Variants in PTPRZ1 observed in about 807,000 individuals in gnomAD.
The protein encoded by PTPRZ1 is receptor-type tyrosine-protein phosphatase zeta.
A neutral mutation model predicts 214.1 loss-of-function variants in PTPRZ1; 82 were observed. The observed-to-expected ratio is 0.38, with a 90% CI of 0.32 to 0.46. PTPRZ1 has a LOEUF of 0.46. Among genes scored for constraint, PTPRZ1 ranks in the 20% least tolerant of loss-of-function variants. PTPRZ1 has a pLI of 1.00. For synonymous variants in PTPRZ1, 945 were observed against 987.9 expected (o/e 0.96, Z 0.81); for missense variants, 2,603 against 2,748.7 (o/e 0.95, Z 1.19).
chr7:122,060,033 A>G (rs1792520032), intron 29 of PTPRZ1, 145 bp downstream of exon 29: 2 of 806,256 alleles, frequency 2.5e-6, no homozygotes, highest in Non-Finnish European at 3.7e-6. Context: ...CAAGTCCACA[A>G]TCCATAGAAC....
chr7:122,050,360 A>T (rs1360038430), intron 23 of PTPRZ1, among the ~76,000 whole-genome samples: 1 of 147,736 alleles, frequency 6.8e-6, no homozygotes, highest in Non-Finnish European at 1.5e-5. Flanking sequence ...GGAGGAACTC[A>T]TGAGCACAGG....
At chr7:122,020,570 G>A (rs1033510499) in intron 13 of PTPRZ1, among the ~76,000 whole-genome samples, 6 of 152,134 alleles carry the variant, frequency 3.9e-5, no homozygotes, top group African/African-American at 1.4e-4. Flanking sequence ...TGGATGTTTC[G>A]GACACAGTGA....
chr7:121,996,927 G>A (rs925996481), intron 9 of PTPRZ1, among the ~76,000 whole-genome samples: 2 of 152,038 alleles, frequency 1.3e-5, no homozygotes, highest in East Asian at 1.9e-4. Context: ...CTTCCATTAC[G>A]CTATATCAGC....
At chr7:122,001,673 T>C (rs1798329806) in intron 10 of PTPRZ1, among the ~76,000 whole-genome samples, 1 of 152,226 alleles carries the variant, frequency 6.6e-6, no homozygotes, top group Non-Finnish European at 1.5e-5. Flanking sequence ...TAAATAAGCC[T>C]TGCTTGCTCA....
intron 27 of PTPRZ1, among the ~76,000 whole-genome samples, chr7:122,058,038 G>C (rs957981823): frequency 6.7e-6 from 1 of 150,144 alleles, no homozygotes; most frequent in African/African-American, 2.5e-5. Flanking sequence ...TATTCCATTG[G>C]TCACTTTGTT....
intron 13 of PTPRZ1, among the ~76,000 whole-genome samples, chr7:122,022,577 G>C (rs2116694024): frequency 6.6e-6 from 1 of 152,300 alleles, no homozygotes; most frequent in Non-Finnish European, 1.5e-5. Flanking sequence ...TCAGATATCT[G>C]ATTTGCAATT....
intron 1 of PTPRZ1, among the ~76,000 whole-genome samples, chr7:121,882,664 T>G (rs919700989): frequency 1.3e-5 from 2 of 152,132 alleles, no homozygotes; most frequent in African/African-American, 4.8e-5. Flanking sequence ...CTGGAATAGA[T>G]CTCTTTATTT....
chr7:121,943,600 C>T (rs1420872778), intron 2 of PTPRZ1, among the ~76,000 whole-genome samples: 1 of 152,164 alleles, frequency 6.6e-6, no homozygotes, highest in African/African-American at 2.4e-5. Flanking sequence ...GGCCTCCCAA[C>T]GTGCTGGGAT....
In PTPRZ1 at chr7:122,058,842, T is replaced by C. The variant is rs1212160218; in HGVS notation, c.6571T>C (p.Trp2191Arg). ...LEVRHFQCPK[W>R]PNPDSPISKT... ...AGTGAGGCACTTTCAGTGTCCTAAA[T>C]GGCCAAATCCAGATAGCCCCATTAG... Residue 2191 changes from tryptophan to arginine, a missense_variant, in exon 28 of 30, where the codon TGG becomes CGG. Transcript: ENST00000393386. The C allele has an allele frequency of 7.5e-6, 12 of 1,604,534 alleles. No homozygotes were observed. The highest frequency in any genetic ancestry group is 1.0e-5 in the Non-Finnish European group (12 of 1,171,608).
chr7:122,058,773 A>C (rs1206381), intron 27 of PTPRZ1, 27 bp from the exon 28 acceptor site: 688,029 of 1,571,300 alleles, frequency 0.44, 153,307 homozygotes, highest in African/African-American at 0.61. Flanking sequence ...TCACTAACTA[A>C]CATTACTTTG....
In PTPRZ1 at chr7:122,013,909, G is replaced by T. The variant is rs1328354183; in HGVS notation, c.4843+20G>T. 7.1e-6 allele frequency: 11 copies of T among 1,559,706 alleles called. No individual in the cohort carries two copies. The South Asian group carries it at 1.1e-4, about 15-fold the overall frequency. ...AGGCAGGTTAGTTACGGATCAGAAG[G>T]ACAGATTGAGGTGTGGTGGTTTGCT... On this transcript the variant is annotated intron_variant, in intron 12 of 29. Transcript: ENST00000393386.
chr7:121,996,654 C>T, intron 9 of PTPRZ1, 88 bp downstream of exon 9: 1 of 1,082,844 alleles, frequency 9.2e-7, no homozygotes, highest in Non-Finnish European at 1.3e-6. Flanking sequence ...ATATTATTTT[C>T]CTCCATTACT....
chr7:121,951,874 A>G lies in PTPRZ1; in HGVS notation c.125-16077A>G, dbSNP rs527320938. 3.9e-5 allele frequency among the ~76,000 whole-genome samples: 6 copies of G among 152,362 alleles called. No individual in the cohort carries two copies. The East Asian group carries it at 1.2e-3, about 29-fold the overall frequency. On this transcript the variant is annotated intron_variant, in intron 2 of 29. Coordinates refer to ENST00000393386, the MANE Select transcript of PTPRZ1 (RefSeq NM_002851.3). ...AAACTACTTAAATATACTGTTACTG[A>G]ATAGACTGTTAGAGAATCTTCCCCT...
At chr7:121,971,232 C>A (rs1248610057) in intron 3 of PTPRZ1, among the ~76,000 whole-genome samples, 1 of 152,110 alleles carries the variant, frequency 6.6e-6, no homozygotes, top group Non-Finnish European at 1.5e-5. Context: ...AAGCAAAAAT[C>A]TTTATAGAAA....
intron 1 of PTPRZ1, among the ~76,000 whole-genome samples, chr7:121,903,966 T>TCACACACACACACACACACACA (rs57176542): frequency 6.5e-4 from 80 of 123,916 alleles, no homozygotes; most frequent in African/African-American, 1.3e-3. Context: ...TCTTTAAATC[T>TCACACACACACACACACACACA]CACACACACA....
chr7:121,976,139 G>T, intron 4 of PTPRZ1, 34 bp from the exon 5 acceptor site: 2 of 1,400,884 alleles, frequency 1.4e-6, no homozygotes. Context: ...TGAAGTCTTT[G>T]TGTATCATAA....
At chr7:121,985,010 A>C (rs1326198507) in intron 8 of PTPRZ1, among the ~76,000 whole-genome samples, 1 of 151,894 alleles carries the variant, frequency 6.6e-6, no homozygotes, top group Non-Finnish European at 1.5e-5. Flanking sequence ...TTTTTTTGCC[A>C]TGTATAATAT....
intron 20 of PTPRZ1, 122 bp downstream of exon 20, chr7:122,039,710 G>C (rs1562877093): frequency 1.6e-6 from 2 of 1,258,508 alleles, no homozygotes; most frequent in East Asian, 5.1e-5. Flanking sequence ...AAAAATTCTT[G>C]TAACCAGGCC....
intron 14 of PTPRZ1, among the ~76,000 whole-genome samples, chr7:122,030,285 G>A (rs1799333778): frequency 6.6e-6 from 1 of 151,904 alleles, no homozygotes; most frequent in Non-Finnish European, 1.5e-5. Context: ...TCACTTACTT[G>A]CAGACCAATT....
Sources: allele counts gnomAD v4.1 joint callset (sites outside exome capture counted in the v4.1 genomes callset), GRCh38; gene constraint gnomAD v4.1.1; transcripts MANE v1.5; gene names NCBI Gene and HGNC (gene_info 2026-07-23, HGNC 2026-07-21).